The following DAB1 variants were observed in gnomAD, a reference collection of about 807,000 sequenced individuals.
DAB1 encodes the protein disabled homolog 1.
In DAB1, 15 loss-of-function variants were observed where a neutral mutation model predicts 64.6. The observed-to-expected ratio is 0.23, with a 90% CI of 0.16 to 0.36. DAB1 has a LOEUF of 0.36. Ranked by LOEUF, DAB1 falls within the 10% of genes least tolerant of loss-of-function variation. The pLI, the probability that DAB1 is intolerant of heterozygous loss-of-function variation, is 1.00. For synonymous variants in DAB1, 235 were observed against 251.9 expected, an observed-to-expected ratio of 0.93 and a Z score of 0.64; for missense variants, 596 against 706.7, an observed-to-expected ratio of 0.84 and a Z score of 1.78.
intron 3 of DAB1, among the ~76,000 whole-genome samples, chr1:58,390,606 C>G (rs1329603481): frequency 6.6e-6 from 1 of 152,152 alleles, no homozygotes; most frequent in Non-Finnish European, 1.5e-5. Flanking sequence ...TCCTTGGTGT[C>G]CTCTAGCTTT....
chr1:57,050,446 C>A, intron 9 of DAB1, among the ~76,000 whole-genome samples: 1 of 152,198 alleles, frequency 6.6e-6, no homozygotes, highest in Admixed American at 6.5e-5. Context: ...ATCTCCTGCT[C>A]CCATGGAGGC....
At chr1:58,405,233 T>C (rs1462565150) in intron 3 of DAB1, among the ~76,000 whole-genome samples, 2 of 152,158 alleles carry the variant, frequency 1.3e-5, no homozygotes, top group East Asian at 3.8e-4. Context: ...TTCCTCATCA[T>C]GGGGGCTCCT....
intron 7 of DAB1, among the ~76,000 whole-genome samples, chr1:57,529,381 T>C (rs750570476): frequency 1.7e-4 from 26 of 152,062 alleles, no homozygotes; most frequent in Non-Finnish European, 3.7e-4. Context: ...TCCAACTCTA[T>C]CTTAATTACA....
At chr1:57,304,507 G>T (rs1427186616) in intron 1 of DAB1, among the ~76,000 whole-genome samples, 1 of 152,098 alleles carries the variant, frequency 6.6e-6, no homozygotes, top group Non-Finnish European at 1.5e-5. Flanking sequence ...TTCAAACTGT[G>T]GCTCCACCAA....
intron 4 of DAB1, among the ~76,000 whole-genome samples, chr1:57,075,236 T>C (rs3768190): frequency 0.43 from 65,189 of 151,970 alleles, 14,216 homozygotes; most frequent in Admixed American, 0.52. Context: ...AAAATATCAC[T>C]TACCAGGCAA....
intron 3 of DAB1, among the ~76,000 whole-genome samples, chr1:58,400,784 ATATAAG>A (rs535388785): frequency 4.1e-4 from 62 of 152,352 alleles, no homozygotes; most frequent in Admixed American, 1.8e-3. Context: ...ATTATGAAAT[ATATAAG>A]TATAATTCTC....
chr1:57,641,195 A>G (rs1475670457), intron 7 of DAB1, among the ~76,000 whole-genome samples: 4 of 152,058 alleles, frequency 2.6e-5, no homozygotes, highest in Non-Finnish European at 5.9e-5. Context: ...AGTTGGGGTT[A>G]GCTCATTGCA....
intron 2 of DAB1, among the ~76,000 whole-genome samples, chr1:57,209,225 CTGAG>C (rs1283222354): frequency 3.9e-5 from 6 of 152,216 alleles, no homozygotes; most frequent in Admixed American, 3.9e-4. Context: ...CATTACTGCA[CTGAG>C]TGTTTCTAGC....
intron 7 of DAB1, among the ~76,000 whole-genome samples, chr1:57,524,521 T>C (rs529393161): frequency 6.6e-6 from 1 of 152,302 alleles, no homozygotes; most frequent in African/African-American, 2.4e-5. Flanking sequence ...GGATTATCAT[T>C]AGTTCTTACA....
intron 2 of DAB1, among the ~76,000 whole-genome samples, chr1:57,254,876 A>G (rs1044887759): frequency 7.9e-5 from 12 of 152,008 alleles, no homozygotes; most frequent in African/African-American, 2.9e-4. Context: ...CACACACACA[A>G]TTGAAAATTC....
chr1:57,067,676 G>A lies in DAB1; in HGVS notation c.663+1684C>T, dbSNP rs547630724. Among the ~76,000 whole-genome samples, 10 of 152,188 alleles carry A rather than the reference G, an allele frequency of 6.6e-5. No homozygotes were observed. In the East Asian group the frequency reaches 1.5e-3, roughly 24 times the overall value. ...AGTGGTAATTGCAAAAAACAGAAAA[G>A]GGTCTTGCCTGAGAGAGCCCTGTAT... On this transcript the variant is annotated intron_variant, in intron 8 of 14. Transcript: ENST00000371236.
chr1:57,144,693 C>CA (rs1175603284), intron 3 of DAB1, among the ~76,000 whole-genome samples: 2,396 of 99,012 alleles, frequency 0.024, 51 homozygotes, highest in African/African-American at 0.068. Context: ...GACTCCTTCT[C>CA]AAAAAAAAAA....
chr1:58,139,850 T>C (rs1441939462), intron 5 of DAB1, among the ~76,000 whole-genome samples: 2 of 152,218 alleles, frequency 1.3e-5, no homozygotes, highest in African/African-American at 4.8e-5. Context: ...AGGGATGCTT[T>C]GGGGATTAAT....
rs963282853 is a variant in DAB1 at position 57,380,907 on chromosome 1, T to A, written c.-137+43023A>T. On this transcript the variant is annotated intron_variant, in intron 1 of 14. Transcript: ENST00000371236. ...CACATGCAGCACCTCAATCCATTTG[T>A]TGATTACATTTGAAATGTAAGAGTT... 3.3e-5 allele frequency among the ~76,000 whole-genome samples: 5 copies of A among 152,198 alleles called. No homozygotes were observed. In the South Asian group the frequency reaches 1.0e-3, roughly 32 times the overall value.
chr1:58,454,824 T>C (rs866401403), intron 3 of DAB1, among the ~76,000 whole-genome samples: 3 of 152,182 alleles, frequency 2.0e-5, no homozygotes, highest in Non-Finnish European at 4.4e-5. Context: ...GGAAAGAAAA[T>C]ACGTGGTCAC....
At chr1:58,052,959 C>T (rs922701684) in intron 5 of DAB1, among the ~76,000 whole-genome samples, 1 of 151,922 alleles carries the variant, frequency 6.6e-6, no homozygotes, top group Non-Finnish European at 1.5e-5. Flanking sequence ...TTATGGAAGG[C>T]AAAGAAGTGC....
intron 9 of DAB1, among the ~76,000 whole-genome samples, chr1:57,043,250 C>G (rs891605294): frequency 1.3e-5 from 2 of 152,178 alleles, no homozygotes; most frequent in African/African-American, 4.8e-5. Context: ...GCCTCTCAAA[C>G]TTAACATGTC....
intron 3 of DAB1, among the ~76,000 whole-genome samples, chr1:58,359,939 G>A (rs149514264): frequency 2.6e-5 from 4 of 152,206 alleles, no homozygotes; most frequent in African/African-American, 4.8e-5. Context: ...ATCCTTCCTC[G>A]AGCTTCAGCT....
intron 7 of DAB1, among the ~76,000 whole-genome samples, chr1:57,485,268 G>A (rs1200935519): frequency 1.3e-5 from 2 of 152,166 alleles, no homozygotes; most frequent in African/African-American, 2.4e-5. Flanking sequence ...GAAGACTGGA[G>A]CATGGGAGAG....
Sources: allele counts gnomAD v4.1 joint callset (sites outside exome capture counted in the v4.1 genomes callset), GRCh38; gene constraint gnomAD v4.1.1; transcripts MANE v1.5; gene names NCBI Gene and HGNC (gene_info 2026-07-23, HGNC 2026-07-21).